PBX1: variants seen among roughly 807,000 people sequenced by gnomAD.
PBX1 encodes the protein PBX homeobox 1, also known as pre-B-cell leukemia transcription factor 1.
PBX1 carries 6 observed loss-of-function variants against 53.4 expected under a neutral mutation model. That is an observed-to-expected ratio of 0.11 (90% confidence interval 0.06 to 0.22). The LOEUF (loss-of-function observed/expected upper bound fraction) is 0.22, where lower values mean the gene tolerates loss of function less well. Ranked by LOEUF, PBX1 falls within the 10% of genes least tolerant of loss-of-function variation. The pLI, the probability that PBX1 is intolerant of heterozygous loss-of-function variation, is 1.00. For missense variants in PBX1, 251 were observed against 551.4 expected, an observed-to-expected ratio of 0.46 and a Z score of 5.46; for synonymous variants, 204 against 212.3, an observed-to-expected ratio of 0.96 and a Z score of 0.34.
At position 164,616,385 on chromosome 1, in the gene PBX1, C is replaced by G. The variant is rs112670315; in HGVS notation, c.265+53074C>G. On this transcript the variant is annotated intron_variant, in intron 2 of 8. Transcript: ENST00000420696. Reference sequence around the variant, plus strand: ...GGGGTGGGAAGCTCCGTTTACTGATCTATATATTATTGTGTTGGTGGGAAA... The same window carrying G: ...GGGGTGGGAAGCTCCGTTTACTGATGTATATATTATTGTGTTGGTGGGAAA... 6.0e-3 allele frequency among the ~76,000 whole-genome samples: 907 copies of G among 152,282 alleles called. 11 individuals carry two copies. The highest frequency in any genetic ancestry group is 0.021 in the African/African-American group (860 of 41,568).
At chr1:164,675,118 A>G (rs1221436228) in intron 2 of PBX1, among the ~76,000 whole-genome samples, 2 of 152,326 alleles carry the variant, frequency 1.3e-5, no homozygotes, top group Middle Eastern at 6.8e-3. Context: ...TAGCAGAACC[A>G]GGACAATAAT....
intron 2 of PBX1, among the ~76,000 whole-genome samples, chr1:164,566,330 C>T (rs151222289): frequency 6.6e-5 from 10 of 152,172 alleles, no homozygotes; most frequent in East Asian, 1.9e-4. Flanking sequence ...GATACATTTT[C>T]GCTTTTAAAA....
intron 2 of PBX1, among the ~76,000 whole-genome samples, chr1:164,672,014 T>G (rs1169618132): frequency 6.7e-6 from 1 of 148,774 alleles, no homozygotes; most frequent in African/African-American, 2.4e-5. Flanking sequence ...TGCATTTTTC[T>G]TACTCTGGTT....
intron 2 of PBX1, among the ~76,000 whole-genome samples, chr1:164,611,219 C>T (rs561216618): frequency 6.6e-6 from 1 of 152,142 alleles, no homozygotes; most frequent in East Asian, 1.9e-4. Context: ...TAACTTTGGG[C>T]CTTTTTCACA....
intron 2 of PBX1, among the ~76,000 whole-genome samples, chr1:164,678,498 T>C (rs920551548): frequency 1.3e-5 from 2 of 152,206 alleles, no homozygotes; most frequent in African/African-American, 4.8e-5. Flanking sequence ...AGCAGAGCCA[T>C]TGGCCTTCTT....
chr1:164,730,871 A>G (rs771571069), intron 2 of PBX1, among the ~76,000 whole-genome samples: 3 of 152,146 alleles, frequency 2.0e-5, no homozygotes, highest in Non-Finnish European at 4.4e-5. Context: ...GCCATCACCC[A>G]TCTGTAGATG....
At chr1:164,635,574 G>A (rs1335011268) in intron 2 of PBX1, among the ~76,000 whole-genome samples, 1 of 152,182 alleles carries the variant, frequency 6.6e-6, no homozygotes, top group Non-Finnish European at 1.5e-5. Flanking sequence ...GCGCGCGCGG[G>A]CTGCGCCATT....
At chr1:164,662,482 C>T (rs750179229) in intron 2 of PBX1, among the ~76,000 whole-genome samples, 4 of 152,150 alleles carry the variant, frequency 2.6e-5, no homozygotes, top group Non-Finnish European at 5.9e-5. Context: ...TGCATTGCAA[C>T]CAGTACCAAG....
chr1:164,658,167 A>C (rs201095515), intron 2 of PBX1, among the ~76,000 whole-genome samples: 3 of 1,270 alleles, frequency 2.4e-3, no homozygotes, highest in African/African-American at 2.4e-3. Context: ...AATGAGGTAC[A>C]AAAAAAAAAA....
At chr1:164,840,329 T>C (rs1331633573) in intron 8 of PBX1, among the ~76,000 whole-genome samples, 1 of 149,930 alleles carries the variant, frequency 6.7e-6, no homozygotes, top group African/African-American at 2.5e-5. Flanking sequence ...ATGGAAATAC[T>C]ACATGGGATA....
At chr1:164,820,498 G>A (rs1160492013) in intron 7 of PBX1, among the ~76,000 whole-genome samples, 2 of 152,154 alleles carry the variant, frequency 1.3e-5, no homozygotes, top group Non-Finnish European at 2.9e-5. Context: ...GGAAAAGGAG[G>A]AGGTGTTCAG....
intron 2 of PBX1, among the ~76,000 whole-genome samples, chr1:164,878,806 T>C (rs1301032954): frequency 6.6e-6 from 1 of 152,236 alleles, no homozygotes; most frequent in Admixed American, 6.5e-5. Context: ...AAATGTGTTA[T>C]AGGAATATGT....
intron 2 of PBX1, among the ~76,000 whole-genome samples, chr1:164,698,253 G>A (rs1283253025): frequency 2.6e-5 from 4 of 152,126 alleles, no homozygotes; most frequent in African/African-American, 4.8e-5. Context: ...TCTGAATGCC[G>A]TTAGATTTAG....
Position 164,588,995 on chromosome 1 carries a change from C to T in PBX1, c.265+25684C>T, listed in dbSNP as rs1655165427. ...ATTTCTCCTTGCCGGCCTCTCCCCT[C>T]CTCCCCAGCCCCCTCCCCGATGAAG... On this transcript the variant is annotated intron_variant, in intron 2 of 8. Transcript: ENST00000420696. Among the ~76,000 whole-genome samples, 3 of 152,290 alleles carry T rather than the reference C, an allele frequency of 2.0e-5. No individual in the cohort carries two copies. In the South Asian group the frequency reaches 6.2e-4, roughly 32 times the overall value.
At chr1:164,573,270 T>A (rs1442443077) in intron 2 of PBX1, among the ~76,000 whole-genome samples, 2 of 152,082 alleles carry the variant, frequency 1.3e-5, no homozygotes, top group Non-Finnish European at 2.9e-5. Context: ...TAATGTTAAA[T>A]TTAATGATTT....
chr1:164,821,266 C>T (rs1231859893), intron 7 of PBX1, among the ~76,000 whole-genome samples: 1 of 152,126 alleles, frequency 6.6e-6, no homozygotes, highest in Non-Finnish European at 1.5e-5. Context: ...TAATCCTTAC[C>T]ATCTCATGCA....
chr1:164,695,619 A>G (rs1328969958), intron 2 of PBX1, among the ~76,000 whole-genome samples: 18 of 152,154 alleles, frequency 1.2e-4, no homozygotes, highest in Admixed American at 8.5e-4. Flanking sequence ...TAATAATTAC[A>G]TGGTGTTTTT....
chr1:164,605,415 G>A (rs1464966731), intron 2 of PBX1: 1 of 152,174 alleles, frequency 6.6e-6, no homozygotes, highest in Non-Finnish European at 1.5e-5. Context: ...TTTAGGGACA[G>A]CCTGGTGAGT....
chr1:164,626,885 C>A (rs1317868310), intron 2 of PBX1, among the ~76,000 whole-genome samples: 5 of 152,176 alleles, frequency 3.3e-5, no homozygotes, highest in Non-Finnish European at 7.3e-5. Flanking sequence ...GGTGGGGAAT[C>A]TTTACAGTTG....
Sources: allele counts gnomAD v4.1 joint callset (sites outside exome capture counted in the v4.1 genomes callset), GRCh38; gene constraint gnomAD v4.1.1; transcripts MANE v1.5; gene names NCBI Gene and HGNC (gene_info 2026-07-23, HGNC 2026-07-21).